FAM171A1: variants seen among roughly 807,000 people sequenced by gnomAD.
The protein encoded by FAM171A1 is protein FAM171A1.
FAM171A1 carries 23 observed loss-of-function variants against 74.9 expected under a neutral mutation model. The ratio of observed to expected loss-of-function variants is 0.31; its 90% CI spans 0.22 to 0.44. The LOEUF is 0.44. FAM171A1 is among the 20% of genes least tolerant of loss of function. The pLI, the probability that FAM171A1 is intolerant of heterozygous loss-of-function variation, is 1.00. For missense variants in FAM171A1, 1,162 were observed against 1,159.2 expected, an observed-to-expected ratio of 1.00 and a Z score of -0.03; for synonymous variants, 527 against 505.7, an observed-to-expected ratio of 1.04 and a Z score of -0.57.
intron 3 of FAM171A1, among the ~76,000 whole-genome samples, chr10:15,261,535 G>A (rs118182368): frequency 3.9e-5 from 6 of 152,230 alleles, no homozygotes; most frequent in Admixed American, 6.5e-5. Flanking sequence ...TCATGGAAAC[G>A]GCTTGATTAT....
chr10:15,365,954 T>A (rs1836056104), intron 1 of FAM171A1, among the ~76,000 whole-genome samples: 1 of 152,212 alleles, frequency 6.6e-6, no homozygotes, highest in African/African-American at 2.4e-5. Context: ...TGAAGCCCTT[T>A]CTAAAATGGT....
At chr10:15,370,916 G>A in intron 1 of FAM171A1, 40 bp downstream of exon 1, 1 of 991,154 alleles carries the variant, frequency 1.0e-6, no homozygotes, top group Non-Finnish European at 1.2e-6. Flanking sequence ...GCCAGGCCCG[G>A]CGCGACACAA....
chr10:15,303,462 A>T (rs1288893327), intron 1 of FAM171A1, among the ~76,000 whole-genome samples: 1 of 152,112 alleles, frequency 6.6e-6, no homozygotes, highest in East Asian at 1.9e-4. Context: ...GTTCGTGTCA[A>T]ATGGAGGAAA....
At chr10:15,253,926 G>T (rs1268908553) in intron 4 of FAM171A1, among the ~76,000 whole-genome samples, 1 of 152,210 alleles carries the variant, frequency 6.6e-6, no homozygotes, top group Non-Finnish European at 1.5e-5. Context: ...CCCGTCTTGG[G>T]TCTTTCTCTG....
intron 3 of FAM171A1, among the ~76,000 whole-genome samples, chr10:15,269,610 A>T (rs973147451): frequency 6.6e-6 from 1 of 152,144 alleles, no homozygotes; most frequent in Non-Finnish European, 1.5e-5. Context: ...AAAAAATAAG[A>T]GGGCAAGAGA....
chr10:15,238,643 A>G (rs1406098719), intron 5 of FAM171A1, among the ~76,000 whole-genome samples: 1 of 152,034 alleles, frequency 6.6e-6, no homozygotes, highest in Non-Finnish European at 1.5e-5. Flanking sequence ...TAATTAAATG[A>G]GCTTGTCATA....
chr10:15,245,471 G>A (rs757488923), intron 5 of FAM171A1, among the ~76,000 whole-genome samples: 1 of 152,204 alleles, frequency 6.6e-6, no homozygotes, highest in Non-Finnish European at 1.5e-5. Flanking sequence ...TCCCAATTGT[G>A]TGAGCCATTC....
At chr10:15,317,844 G>A (rs1835441103) in intron 1 of FAM171A1, among the ~76,000 whole-genome samples, 1 of 152,108 alleles carries the variant, frequency 6.6e-6, no homozygotes. Flanking sequence ...AGGCTGGAGT[G>A]CAGTGGCACG....
chr10:15,361,497 A>G (rs1284585082), intron 1 of FAM171A1, among the ~76,000 whole-genome samples: 1 of 152,158 alleles, frequency 6.6e-6, no homozygotes, highest in Non-Finnish European at 1.5e-5. Context: ...AGCCTGGCCA[A>G]CATGGTAAAA....
chr10:15,261,600 T>G (rs980741034), intron 3 of FAM171A1, among the ~76,000 whole-genome samples: 2 of 152,210 alleles, frequency 1.3e-5, no homozygotes, highest in African/African-American at 4.8e-5. Flanking sequence ...CAAGATAAAC[T>G]TCAAGAGAGA....
intron 1 of FAM171A1, among the ~76,000 whole-genome samples, chr10:15,329,006 C>T (rs763196903): frequency 6.6e-6 from 1 of 152,194 alleles, no homozygotes; most frequent in Non-Finnish European, 1.5e-5. Flanking sequence ...CTTTCAGTCA[C>T]GCCGCACATA....
intron 3 of FAM171A1, among the ~76,000 whole-genome samples, chr10:15,272,831 C>A (rs151249141): frequency 0.066 from 9,991 of 152,186 alleles, 629 homozygotes; most frequent in African/African-American, 0.16. Flanking sequence ...ATAAAGATTT[C>A]TTTGAAACCA....
intron 1 of FAM171A1, among the ~76,000 whole-genome samples, chr10:15,326,660 C>T (rs528618570): frequency 6.6e-6 from 1 of 152,090 alleles, no homozygotes; most frequent in Admixed American, 6.6e-5. Flanking sequence ...TGGAGTCTCA[C>T]TCTGTTACCC....
chr10:15,248,579 A>C (rs1834464212), intron 5 of FAM171A1, 60 bp downstream of exon 5: 4 of 1,510,596 alleles, frequency 2.6e-6, no homozygotes, highest in Non-Finnish European at 3.6e-6. Flanking sequence ...TCTTAGAAGG[A>C]AAACCAAACA....
intron 1 of FAM171A1, among the ~76,000 whole-genome samples, chr10:15,339,560 A>G (rs2131868328): frequency 6.6e-6 from 1 of 152,306 alleles, no homozygotes; most frequent in Middle Eastern, 3.4e-3. Context: ...ATGGCAGTGA[A>G]GTGTCATTCT....
At chr10:15,236,917 C>A (rs1314277140) in intron 5 of FAM171A1, among the ~76,000 whole-genome samples, 1 of 151,932 alleles carries the variant, frequency 6.6e-6, no homozygotes, top group South Asian at 2.1e-4. Flanking sequence ...CATGGTGATA[C>A]CCCCATCTCC....
chr10:15,249,833 T>C (rs1834485636), intron 4 of FAM171A1, among the ~76,000 whole-genome samples: 1 of 152,228 alleles, frequency 6.6e-6, no homozygotes, highest in African/African-American at 2.4e-5. Flanking sequence ...GAGACCGATA[T>C]ATTTATGCAC....
At chr10:15,242,404 C>A (rs375991941) in intron 5 of FAM171A1, among the ~76,000 whole-genome samples, 2 of 152,182 alleles carry the variant, frequency 1.3e-5, no homozygotes, top group East Asian at 3.8e-4. Context: ...GAATGACTAT[C>A]CACAAACGTT....
chr10:15,359,916 C>G (rs775125550), intron 1 of FAM171A1, among the ~76,000 whole-genome samples: 1 of 152,114 alleles, frequency 6.6e-6, no homozygotes, highest in Non-Finnish European at 1.5e-5. Context: ...CAAAAAGGAA[C>G]ATGGCCCAGC....
Sources: gnomAD v4.1 joint callset for allele counts (sites outside exome capture counted in the v4.1 genomes callset) on GRCh38, gnomAD v4.1.1 for gene constraint, MANE v1.5 for transcripts, NCBI Gene and HGNC (gene_info 2026-07-23, HGNC 2026-07-21) for gene names.